Variants in CFDP1 observed in about 807,000 individuals in gnomAD.
CFDP1 encodes heterochromatin-stabilizing protein CFDP1.
Under a neutral mutation model 40.1 loss-of-function variants are expected in CFDP1, and 31 were observed. The ratio of observed to expected loss-of-function variants is 0.77; its 90% CI spans 0.58 to 1.04. The LOEUF is 1.04. CFDP1 is among the 50% of genes least tolerant of loss of function. The pLI is 0.00. For missense variants in CFDP1, 423 were observed against 343.4 expected (o/e 1.23, Z -1.83); for synonymous variants, 167 against 120.0 (o/e 1.39, Z -2.56).
intron 5 of CFDP1, among the ~76,000 whole-genome samples, chr16:75,392,652 C>T (rs924811211): frequency 1.1e-4 from 17 of 152,150 alleles, no homozygotes; most frequent in Non-Finnish European, 2.4e-4. Flanking sequence ...CATGTGCCAC[C>T]AAGCCCAGCT....
rs774723326 is a variant in CFDP1, at chr16:75,293,910, A to G, written c.*42T>C. ...TTTCACAGACGCACAAAAAGCTCAC[A>G]TTGTAAACAGGATTAAGCTGCTCTT... On this transcript the variant is annotated 3_prime_UTR_variant, in exon 7 of 7. Coordinates refer to ENST00000283882, the MANE Select transcript of CFDP1 (RefSeq NM_006324.3). The G allele has an allele frequency of 4.0e-6, 6 of 1,511,430 alleles. No individual in the cohort carries two copies. Among genetic ancestry groups the G allele is most frequent in the Non-Finnish European group, 5.5e-6 (6 of 1,087,896 alleles). 93.6% of individuals were successfully genotyped at this position (1,511,430 alleles called of 1,614,324 possible).
chr16:75,393,779 G>A lies in CFDP1; in HGVS notation c.650+1311C>T, dbSNP rs1457898499. On this transcript the variant is annotated intron_variant, in intron 5 of 6. Coordinates refer to ENST00000283882, the MANE Select transcript of CFDP1 (RefSeq NM_006324.3). ...AAAAAAAAAAAAAAAAAAAAGTGGG[G>A]CCGGGCCCGGTGGCTCACGCCTGTA... is the stretch of plus-strand genomic sequence containing the variant. Among the ~76,000 whole-genome samples the A allele has an allele frequency of 1.4e-5, 2 of 139,722 alleles. 1 individual carries two copies. The highest frequency in any genetic ancestry group is 3.0e-5 in the Non-Finnish European group (2 of 65,954). The allele number at this position is 139,722 out of a possible 152,430, so 91.7% of individuals were successfully genotyped here. A position where few individuals can be genotyped will look rare whatever the true frequency, so the allele number is the denominator to read the frequency against.
chr16:75,337,329 T>G (rs531527359), intron 5 of CFDP1, among the ~76,000 whole-genome samples: 1 of 152,352 alleles, frequency 6.6e-6, no homozygotes, highest in East Asian at 1.9e-4. Flanking sequence ...GTACTGGCAC[T>G]GGAAGGATGG....
chr16:75,315,899 TTC>T (rs765422503), intron 5 of CFDP1, among the ~76,000 whole-genome samples: 1 of 152,192 alleles, frequency 6.6e-6, no homozygotes, highest in Non-Finnish European at 1.5e-5. Context: ...TTGCTCCCCA[TTC>T]TCTCTCAAAA....
intron 5 of CFDP1, among the ~76,000 whole-genome samples, chr16:75,347,343 C>CAAAAAAAAAAAAAAAAAAAAAAAAAA (rs762900031): frequency 1.1e-5 from 1 of 91,624 alleles, no homozygotes; most frequent in South Asian, 4.4e-4. Context: ...GACTCCATCT[C>CAAAAAAAAAAAAAAAAAAAAAAAAAA]AAAAAAAAAA....
intron 1 of CFDP1, chr16:75,419,097 C>G (rs972658255): frequency 5.1e-6 from 2 of 392,426 alleles, no homozygotes; most frequent in African/African-American, 4.2e-5. Flanking sequence ...AAGCAGGACG[C>G]CGACTCATAA....
chr16:75,427,073 T>C (rs868319349), intron 1 of CFDP1, among the ~76,000 whole-genome samples: 45 of 147,504 alleles, frequency 3.1e-4, no homozygotes, highest in African/African-American at 1.1e-3. Flanking sequence ...ACAAAACAAA[T>C]ATCTGACAAA....
intron 5 of CFDP1, among the ~76,000 whole-genome samples, chr16:75,359,279 A>G (rs1009254541): frequency 1.3e-5 from 2 of 152,202 alleles, no homozygotes; most frequent in African/African-American, 4.8e-5. Flanking sequence ...ATAATTTTGA[A>G]GAGCGTAAAG....
intron 5 of CFDP1, among the ~76,000 whole-genome samples, chr16:75,339,281 A>T (rs1250053403): frequency 6.6e-6 from 1 of 152,116 alleles, no homozygotes; most frequent in Admixed American, 6.6e-5. Flanking sequence ...TCTGCTACTC[A>T]ACCCTTTAAT....
chr16:75,395,034 A>G, intron 5 of CFDP1, 56 bp downstream of exon 5: 1 of 1,606,202 alleles, frequency 6.2e-7, no homozygotes, highest in East Asian at 2.2e-5. Flanking sequence ...AGGTATTTGC[A>G]CTGAAAGCTT....
rs144692788 is a variant in CFDP1 at position 75,366,306 on chromosome 16, A to G, written c.650+28784T>C. The stretch of plus-strand genomic sequence containing the variant: ...CAAATGGGAAATTGGTGAGTTCCCC[A>G]AAGATCCTCATTCATTCATTTTTGG... On this transcript the variant is annotated intron_variant, in intron 5 of 6. Coordinates refer to ENST00000283882, the MANE Select transcript of CFDP1 (RefSeq NM_006324.3). 4.3e-4 allele frequency among the ~76,000 whole-genome samples: 66 copies of G among 152,330 alleles called. 2 individuals are homozygous for G. In the East Asian group the frequency reaches 0.012, roughly 28 times the overall value.
intron 1 of CFDP1, among the ~76,000 whole-genome samples, chr16:75,432,075 C>A (rs924812688): frequency 6.6e-5 from 10 of 151,372 alleles, no homozygotes; most frequent in Admixed American, 6.6e-4. Context: ...CCATGCCCAG[C>A]TAATTTTTGT....
intron 1 of CFDP1, 60 bp downstream of exon 1, chr16:75,433,229 C>G: frequency 6.7e-7 from 1 of 1,497,858 alleles, no homozygotes; most frequent in Non-Finnish European, 9.0e-7. Context: ...GGGCAGAGCG[C>G]GCCTCACGTG....
At chr16:75,365,415 G>A (rs1355716866) in intron 5 of CFDP1, among the ~76,000 whole-genome samples, 1 of 151,998 alleles carries the variant, frequency 6.6e-6, no homozygotes, top group Non-Finnish European at 1.5e-5. Flanking sequence ...TGAGAGAAGG[G>A]GACTGACTGT....
At chr16:75,358,202 A>T (rs539200774) in intron 5 of CFDP1, among the ~76,000 whole-genome samples, 1 of 152,242 alleles carries the variant, frequency 6.6e-6, no homozygotes, top group Non-Finnish European at 1.5e-5. Flanking sequence ...GGACAGAGAC[A>T]TGAAGTAAAT....
intron 1 of CFDP1, among the ~76,000 whole-genome samples, chr16:75,416,519 G>T (rs1192188026): frequency 1.3e-5 from 2 of 151,014 alleles, no homozygotes; most frequent in Admixed American, 1.3e-4. Flanking sequence ...TCAGCCCTTT[G>T]GGAGGCCGAG....
chr16:75,319,014 T>C (rs2078344684), intron 5 of CFDP1, among the ~76,000 whole-genome samples: 1 of 152,198 alleles, frequency 6.6e-6, no homozygotes, highest in Non-Finnish European at 1.5e-5. Context: ...CGAACACATT[T>C]TGCAAAATTA....
chr16:75,298,441 A>G lies in CFDP1; in HGVS notation c.810-4399T>C, dbSNP rs534224974. 1.2e-4 allele frequency among the ~76,000 whole-genome samples: 18 copies of G among 152,322 alleles called. No homozygotes were observed. In the East Asian group the frequency reaches 3.1e-3, roughly 26 times the overall value. On this transcript the variant is annotated intron_variant, in intron 6 of 6. Transcript: ENST00000283882. ...GCACATGGAAGTGCAGGGAAACCTG[A>G]GGCAGTCACTGAGGACACTCCAAAG...
In CFDP1 at chr16:75,336,188, T is replaced by C. The variant is rs142351669; in HGVS notation, c.651-31006A>G. On this transcript the variant is annotated intron_variant, in intron 5 of 6. Coordinates refer to ENST00000283882, the MANE Select transcript of CFDP1 (RefSeq NM_006324.3). Reference sequence around the variant, plus strand: ...GCACTTTCTCTCAGCCAGACAGACATTGTTCTAGGAGGTGGAAATAGAGCA... The same window carrying C: ...GCACTTTCTCTCAGCCAGACAGACACTGTTCTAGGAGGTGGAAATAGAGCA... Among the ~76,000 whole-genome samples, 153 of 152,274 alleles carry C rather than the reference T, an allele frequency of 1.0e-3. 1 individual carries two copies. Among genetic ancestry groups the C allele is most frequent in the African/African-American group, 3.6e-3 (150 of 41,542 alleles).
Sources: allele counts gnomAD v4.1 joint callset (sites outside exome capture counted in the v4.1 genomes callset), GRCh38; gene constraint gnomAD v4.1.1; transcripts MANE v1.5; gene names NCBI Gene and HGNC (gene_info 2026-07-23, HGNC 2026-07-21).